Variants in PMPCB observed in about 807,000 individuals in gnomAD.
PMPCB encodes mitochondrial-processing peptidase subunit beta.
A neutral mutation model predicts 61.5 loss-of-function variants in PMPCB; 46 were observed. The observed-to-expected ratio is 0.75, with a 90% CI of 0.59 to 0.96. The LOEUF (loss-of-function observed/expected upper bound fraction) is 0.96, where lower values mean the gene tolerates loss of function less well. Among genes scored for constraint, PMPCB ranks in the 40% least tolerant of loss-of-function variants. The probability of loss-of-function intolerance (pLI) is 0.00; values close to 1 mark genes in which losing one functional copy is unlikely to be tolerated. For missense variants in PMPCB, 590 were observed against 602.4 expected, an observed-to-expected ratio of 0.98 and a Z score of 0.22; for synonymous variants, 191 against 201.6, an observed-to-expected ratio of 0.95 and a Z score of 0.44.
In PMPCB at chr7:103,307,589, A is replaced by C. The variant is rs1234853656; in HGVS notation, c.737-7A>C. On this transcript the variant is annotated splice_polypyrimidine_tract_variant and splice_region_variant and intron_variant, in intron 6 of 12. Coordinates refer to ENST00000249269, the MANE Select transcript of PMPCB (RefSeq NM_004279.3). ...GATACATGTGAAAATATTTTCTTTCAATTTAGGTGTTTCCCATGATGAATT... is the reference window on the plus strand; with the variant it reads ...GATACATGTGAAAATATTTTCTTTCCATTTAGGTGTTTCCCATGATGAATT... 2 of 1,545,934 alleles carry C rather than the reference A, an allele frequency of 1.3e-6. No homozygotes were observed. The highest frequency in any genetic ancestry group is 4.5e-5 in the East Asian group (2 of 44,490).
At chr7:103,327,688 CCTT>C (rs777503961) in intron 12 of PMPCB, 20 of 1,612,220 alleles carry the variant, frequency 1.2e-5, no homozygotes, top group East Asian at 2.2e-5. Context: ...GTCATTATCT[CCTT>C]CTTTTATTGG....
At chr7:103,304,170 G>T in intron 5 of PMPCB, 130 bp downstream of exon 5, 1 of 768,244 alleles carries the variant, frequency 1.3e-6, no homozygotes, top group East Asian at 2.7e-5. Context: ...ACTGTAGTTA[G>T]CTACATTTTA....
the PMPCB span, chr7:103,344,412 G>C: frequency 2.5e-6 from 2 of 802,960 alleles, no homozygotes; most frequent in East Asian, 5.1e-5. Context: ...TTTAAAACAC[G>C]GAGCAAAAAG....
chr7:103,303,897 T>G lies in PMPCB; in HGVS notation c.513T>G (p.Ile171Met). The G allele has an allele frequency of 6.2e-7, 1 of 1,613,982 alleles. No individual in the cohort carries two copies. The highest frequency in any genetic ancestry group is 8.5e-7 in the Non-Finnish European group (1 of 1,179,858). Residue 171 changes from isoleucine (I) to methionine (M), a missense_variant, in exon 5 of 13, where the codon ATT (isoleucine) becomes ATG (methionine). Ile to Met is a conservative substitution (Grantham distance 10). Transcript: ENST00000249269. ...ACAGCACATTGGGAGAAGCAGAGAT[T>G]GAACGTGAGCGTGGAGTAATCCTTA... The part of the protein sequence containing the change: ...IQNSTLGEAE[I>M]ERERGVILRE...
At chr7:103,333,425 G>C (rs767545650), downstream of PMPCB, among the ~76,000 whole-genome samples, 2 of 152,096 alleles carry the variant, frequency 1.3e-5, no homozygotes, top group African/African-American at 4.8e-5. Flanking sequence ...TTTTATTTCT[G>C]TCTAGGCTCA....
the PMPCB span, chr7:103,344,688 C>T: frequency 2.6e-4 from 393 of 1,535,380 alleles, 1 homozygote; most frequent in Middle Eastern, 4.4e-4. Flanking sequence ...GCTTAGGGTC[C>T]CCTCCAGCTC....
chr7:103,334,099 C>T (rs953202463), downstream of PMPCB, among the ~76,000 whole-genome samples: 3 of 151,954 alleles, frequency 2.0e-5, no homozygotes, highest in African/African-American at 4.8e-5. Context: ...TACAGGTACC[C>T]GCCACCACGC....
Position 103,311,621 on chromosome 7 carries a change from A to G in PMPCB, c.1155-22A>G, listed in dbSNP as rs375408933. Reference sequence around the variant, plus strand: ...TGAAATACAACATTTTCCAACTACTACTGTTTTTCCACGTTTTTTAGGATG... The same window carrying G: ...TGAAATACAACATTTTCCAACTACTGCTGTTTTTCCACGTTTTTTAGGATG... On this transcript the variant is annotated intron_variant, in intron 9 of 12. Transcript: ENST00000249269. 2.5e-6 allele frequency: 4 copies of G among 1,582,296 alleles called. No individual in the cohort carries two copies. In the South Asian group the frequency reaches 3.4e-5, roughly 13 times the overall value.
intron 12 of PMPCB, chr7:103,326,454 C>A: frequency 7.7e-7 from 1 of 1,292,204 alleles, no homozygotes; most frequent in Admixed American, 2.0e-5. Flanking sequence ...ATAAATGAAA[C>A]TATTATCAGA....
rs114731575 is a variant in PMPCB at position 103,306,078 on chromosome 7, T to C, written c.737-1518T>C. On this transcript the variant is annotated intron_variant, in intron 6 of 12. Coordinates refer to ENST00000249269, the MANE Select transcript of PMPCB (RefSeq NM_004279.3). Reference sequence around the variant, plus strand: ...GATGTGCCTTATAAATGATTGCATCTTAAATTCAATGAAATAGGCCAGTTT... The same window carrying C: ...GATGTGCCTTATAAATGATTGCATCCTAAATTCAATGAAATAGGCCAGTTT... 3.8e-3 allele frequency among the ~76,000 whole-genome samples: 574 copies of C among 152,364 alleles called. 4 individuals carry two copies. The highest frequency in any genetic ancestry group is 0.014 in the African/African-American group (565 of 41,572).
rs1193945726 is a variant in PMPCB at position 103,297,443 on chromosome 7, C to G, written c.-17C>G. ...CCGGAAGCACATCCTTCATCCTCTACCTTCCTTCTAGCAGAAATGGCGGCT... is the reference window on the plus strand; with the variant it reads ...CCGGAAGCACATCCTTCATCCTCTAGCTTCCTTCTAGCAGAAATGGCGGCT... On this transcript the variant is annotated 5_prime_UTR_variant, in exon 1 of 13. Coordinates refer to ENST00000249269, the MANE Select transcript of PMPCB (RefSeq NM_004279.3). 1 of 1,540,820 alleles carries G rather than the reference C, an allele frequency of 6.5e-7. No homozygotes were observed. The highest frequency in any genetic ancestry group is 8.7e-7 in the Non-Finnish European group (1 of 1,143,342).
At chr7:103,298,732 C>T (rs759111342) in intron 2 of PMPCB, 24 bp downstream of exon 2, 1 of 1,600,034 alleles carries the variant, frequency 6.2e-7, no homozygotes, top group South Asian at 1.1e-5. Context: ...GCAACCTTCT[C>T]TAAGTGACCC....
chr7:103,344,921 C>T, the PMPCB span: 7 of 554,642 alleles, frequency 1.3e-5, no homozygotes, highest in African/African-American at 5.7e-5. Context: ...ATCAGTTTTC[C>T]TGTAAAAAGG....
the PMPCB span, among the ~76,000 whole-genome samples, chr7:103,346,482 T>G: frequency 1.3e-5 from 2 of 152,288 alleles, no homozygotes; most frequent in East Asian, 3.9e-4. Context: ...AACATGAAAT[T>G]TACGATCTTC....
rs149259090 is a variant in PMPCB at position 103,299,475 on chromosome 7, C to A, written c.273C>A (p.Tyr91Ter). The change falls in exon 3 of 13, where the codon TAC becomes TAA. Residue 91 changes from tyrosine (Y) to a stop codon, truncating the protein, a stop_gained. Transcript: ENST00000249269. LOFTEE classifies it high-confidence loss of function. ...VGLWIDAGSR[Y>*]ENEKNNGTAH... The stretch of plus-strand genomic sequence containing the variant: ...TCTGGATTGATGCTGGAAGTAGATA[C>A]GAAAATGAGAAGAACAATGGAACAG... 1.2e-6 allele frequency: 2 copies of A among 1,611,464 alleles called. No individual in the cohort carries two copies. The highest frequency in any genetic ancestry group is 1.7e-5 in the Admixed American group (1 of 59,886).
downstream of PMPCB, chr7:103,319,525 G>A (rs1383410973): frequency 1.6e-6 from 2 of 1,237,286 alleles, no homozygotes; most frequent in Non-Finnish European, 2.4e-6. Context: ...CCCTGCACTT[G>A]GTGACTTATA....
In PMPCB at chr7:103,297,558, G is replaced by A. The variant is rs1817318586; in HGVS notation, c.99G>A (p.Arg33=). Residue 33 remains arginine, a splice_region_variant and synonymous_variant, in exon 1 of 13, where the codon CGG becomes CGA. Transcript: ENST00000249269. The stretch of plus-strand genomic sequence containing the variant: ...TTCTAATCCGAGGCGCTGCGGGACG[G>A]GTGAGCTTCCCTCCAGGCCGGTCCT... ...ESLLIRGAAG[R]SLYFGENRLR... 1 of 1,611,296 alleles carries A rather than the reference G, an allele frequency of 6.2e-7. No individual in the cohort carries two copies. The highest frequency in any genetic ancestry group is 8.5e-7 in the Non-Finnish European group (1 of 1,178,322).
Position 103,314,461 on chromosome 7 carries a change from T to C in PMPCB, c.*2190T>C. On this transcript the variant is annotated 3_prime_UTR_variant, in exon 13 of 13. Transcript: ENST00000249269. The stretch of plus-strand genomic sequence containing the variant: ...ACTCTTGCCTTCACAGGGTCACCTC[T>C]CCTCACAGAAAGCAGACTGGACAAA... 1.0e-6 allele frequency: 1 copy of C among 985,342 alleles called. No individual in the cohort carries two copies. Among genetic ancestry groups the C allele is most frequent in the Non-Finnish European group, 1.2e-6 (1 of 829,906 alleles). 61.0% of individuals were successfully genotyped at this position (985,342 alleles called of 1,614,324 possible). A position where few individuals can be genotyped will look rare whatever the true frequency, so the allele number is the denominator to read the frequency against.
chr7:103,328,719 G>C (rs1818840806), intron 12 of PMPCB, among the ~76,000 whole-genome samples: 1 of 152,016 alleles, frequency 6.6e-6, no homozygotes, highest in Non-Finnish European at 1.5e-5. Flanking sequence ...TATAGCGTTT[G>C]CATTTTCCAT....
Sources: allele counts gnomAD v4.1 joint callset (sites outside exome capture counted in the v4.1 genomes callset), GRCh38; gene constraint gnomAD v4.1.1; transcripts MANE v1.5; gene names NCBI Gene and HGNC (gene_info 2026-07-23, HGNC 2026-07-21).